PPM1L: variants seen among roughly 807,000 people sequenced by gnomAD.
The protein encoded by PPM1L is protein phosphatase 1L.
Under a neutral mutation model 31.4 loss-of-function variants are expected in PPM1L, and 13 were observed. That is an observed-to-expected ratio of 0.41 (90% CI 0.27 to 0.66). The LOEUF (loss-of-function observed/expected upper bound fraction) is 0.66, where lower values mean the gene tolerates loss of function less well. Among genes scored for constraint, PPM1L ranks in the 30% least tolerant of loss-of-function variants. PPM1L has a pLI of 0.29. For missense variants in PPM1L, 326 were observed against 453.7 expected (o/e 0.72, Z 2.56); for synonymous variants, 184 against 175.4 (o/e 1.05, Z -0.39).
chr3:160,870,166 A>G (rs1414747302), intron 1 of PPM1L, among the ~76,000 whole-genome samples: 1 of 152,142 alleles, frequency 6.6e-6, no homozygotes. Flanking sequence ...TGTAAAGCAG[A>G]CATCAAGGTA....
At chr3:160,955,743 T>C (rs6800013) in intron 1 of PPM1L, among the ~76,000 whole-genome samples, 129,250 of 151,128 alleles carry the variant, frequency 0.86, 55,449 homozygotes, top group Middle Eastern at 0.92. Context: ...CTCCGCCTCC[T>C]GGGTTCACGC....
At chr3:161,057,397 C>T (rs1244898357) in intron 2 of PPM1L, among the ~76,000 whole-genome samples, 1 of 151,998 alleles carries the variant, frequency 6.6e-6, no homozygotes, top group Non-Finnish European at 1.5e-5. Context: ...GAATCGAGTG[C>T]CAGAATGGGT....
intron 2 of PPM1L, among the ~76,000 whole-genome samples, chr3:161,014,254 AATGCTTACTGTGATTT>A (rs1377371828): frequency 5.9e-5 from 9 of 152,276 alleles, no homozygotes; most frequent in East Asian, 1.9e-4. Context: ...CACAGGAAGG[AATGCTTACTGTGATTT>A]ATGCTTACTG....
chr3:160,778,732 A>T (rs1362770011), intron 1 of PPM1L, among the ~76,000 whole-genome samples: 1 of 152,140 alleles, frequency 6.6e-6, no homozygotes. Flanking sequence ...CATGGGGGAA[A>T]GTTGTCCAAT....
At chr3:160,757,479 C>T (rs2108052516) in intron 1 of PPM1L, among the ~76,000 whole-genome samples, 1 of 152,378 alleles carries the variant, frequency 6.6e-6, no homozygotes, top group Non-Finnish European at 1.5e-5. Flanking sequence ...TGTGGTTCAT[C>T]TGGAAGCAGG....
rs1382299261 is a variant in PPM1L at position 161,077,842 on chromosome 3, CCA to C, written c.*8686_*8687del. ...CTGTATGGCAAAGAAAAACTAAATC[CCA>C]GACTTTTATTTTTAACCACAGAAAC... On this transcript the variant is annotated 3_prime_UTR_variant, in exon 4 of 4. Coordinates refer to ENST00000498165, the MANE Select transcript of PPM1L (RefSeq NM_139245.4). The C allele has an allele frequency of 1.3e-5, 2 of 151,556 alleles. No homozygotes were observed. Among genetic ancestry groups the C allele is most frequent in the African/African-American group, 4.8e-5 (2 of 41,338 alleles). 9.4% of individuals were successfully genotyped at this position (151,556 alleles called of 1,614,324 possible).
At chr3:160,775,379 A>G (rs1376032797) in intron 1 of PPM1L, among the ~76,000 whole-genome samples, 1 of 152,214 alleles carries the variant, frequency 6.6e-6, no homozygotes, top group African/African-American at 2.4e-5. Context: ...GAAATATTTC[A>G]AGGTTATGGG....
At chr3:161,068,751 C>A (rs1474821912) in intron 3 of PPM1L, 60 bp from the exon 4 acceptor site, 2 of 1,400,192 alleles carry the variant, frequency 1.4e-6, no homozygotes, top group Non-Finnish European at 2.0e-6. Flanking sequence ...CGTACCTAGA[C>A]TATCCCAGGT....
Position 160,975,416 on chromosome 3 carries a change from A to C in PPM1L, c.574+13506A>C, listed in dbSNP as rs139270903. Among the ~76,000 whole-genome samples the C allele has an allele frequency of 1.3e-3, 205 of 152,282 alleles. 1 individual carries two copies. The highest frequency in any genetic ancestry group is 4.6e-3 in the African/African-American group (192 of 41,546). ...TTTTTCCAATTCTGTGAAGAAAATC[A>C]TCGGTAGCTTGATGGGGATGGCATT... On this transcript the variant is annotated intron_variant, in intron 2 of 3. Coordinates refer to ENST00000498165, the MANE Select transcript of PPM1L (RefSeq NM_139245.4).
intron 2 of PPM1L, among the ~76,000 whole-genome samples, chr3:161,039,496 T>G (rs77203321): frequency 6.6e-6 from 1 of 152,126 alleles, no homozygotes; most frequent in African/African-American, 2.4e-5. Context: ...CTTGGAATTT[T>G]ATGAAACTCA....
chr3:161,041,744 C>T (rs1222785273), intron 2 of PPM1L, among the ~76,000 whole-genome samples: 2 of 151,836 alleles, frequency 1.3e-5, no homozygotes, highest in East Asian at 1.9e-4. Flanking sequence ...TGAGACTGTG[C>T]CTCAAAAAAC....
chr3:160,769,909 G>A (rs189209828), intron 1 of PPM1L, among the ~76,000 whole-genome samples: 1 of 152,294 alleles, frequency 6.6e-6, no homozygotes, highest in African/African-American at 2.4e-5. Flanking sequence ...CAATGGTCTA[G>A]GCTACAGTGA....
intron 1 of PPM1L, among the ~76,000 whole-genome samples, chr3:160,864,619 A>G (rs997872410): frequency 1.3e-5 from 2 of 152,208 alleles, no homozygotes; most frequent in African/African-American, 4.8e-5. Context: ...GTTCTTTCAC[A>G]GATATGTTTT....
chr3:160,827,481 G>GTGTGTGTGTGTGTGTGTA (rs1553810064), intron 1 of PPM1L, among the ~76,000 whole-genome samples: 1 of 150,576 alleles, frequency 6.6e-6, no homozygotes, highest in Admixed American at 6.6e-5. Flanking sequence ...GTGTGTGTGT[G>GTGTGTGTGTGTGTGTGTA]TGTATGTATG....
At chr3:160,977,115 G>A (rs1217565187) in intron 2 of PPM1L, among the ~76,000 whole-genome samples, 1 of 152,044 alleles carries the variant, frequency 6.6e-6, no homozygotes. Context: ...TTATTTCTGT[G>A]AAAGACACTG....
chr3:160,842,165 T>C (rs1560122866), intron 1 of PPM1L: 1 of 673,978 alleles, frequency 1.5e-6, no homozygotes, highest in Non-Finnish European at 2.7e-6. Flanking sequence ...CCTGAAATAG[T>C]TGGGGAGGAC....
chr3:161,058,116 T>TC, intron 2 of PPM1L, among the ~76,000 whole-genome samples: 3 of 110,468 alleles, frequency 2.7e-5, no homozygotes, highest in Non-Finnish European at 1.8e-5. Flanking sequence ...TCATTTTCTT[T>TC]CCTTTTTTTT....
At chr3:161,054,329 T>A (rs1232863847) in intron 2 of PPM1L, among the ~76,000 whole-genome samples, 1 of 151,050 alleles carries the variant, frequency 6.6e-6, no homozygotes, top group Non-Finnish European at 1.5e-5. Context: ...AACCCCCTAA[T>A]GTGCTGTTCT....
chr3:160,965,410 A>G (rs1716109779), intron 2 of PPM1L, among the ~76,000 whole-genome samples: 1 of 152,034 alleles, frequency 6.6e-6, no homozygotes, highest in South Asian at 2.1e-4. Context: ...CTTCACATAC[A>G]CCCATTCTGT....
Sources: allele counts gnomAD v4.1 joint callset (sites outside exome capture counted in the v4.1 genomes callset), GRCh38; gene constraint gnomAD v4.1.1; transcripts MANE v1.5; gene names NCBI Gene and HGNC (gene_info 2026-07-23, HGNC 2026-07-21).